IMMP2L: variants seen among roughly 807,000 people sequenced by gnomAD.
IMMP2L encodes mitochondrial inner membrane protease subunit 2.
A neutral mutation model predicts 19.3 loss-of-function variants in IMMP2L; 18 were observed. The observed-to-expected ratio is 0.93, with a 90% CI of 0.64 to 1.38. The LOEUF is 1.38. Among genes scored for constraint, IMMP2L ranks in the 40% most tolerant of loss-of-function variants. The probability of loss-of-function intolerance (pLI) is 0.00; values close to 1 mark genes in which losing one functional copy is unlikely to be tolerated. For synonymous variants in IMMP2L, 76 were observed against 73.0 expected, an observed-to-expected ratio of 1.04 and a Z score of -0.21; for missense variants, 233 against 218.2, an observed-to-expected ratio of 1.07 and a Z score of -0.43.
At chr7:111,242,080 T>G (rs192883575) in intron 3 of IMMP2L, among the ~76,000 whole-genome samples, 259 of 152,222 alleles carry the variant, frequency 1.7e-3, no homozygotes, top group African/African-American at 5.1e-3. Context: ...AGAAGTGATT[T>G]TTTTAATGAA....
rs1819220931 is a variant in IMMP2L at position 110,963,761 on chromosome 7, C to A, written c.240-196G>T. Among the ~76,000 whole-genome samples the A allele has an allele frequency of 2.0e-5, 3 of 151,788 alleles. No homozygotes were observed. The South Asian group carries it at 6.3e-4, about 32-fold the overall frequency. ...AAGTAATTCTCATTTTAAATAAACT[C>A]TGGGGGGGAAAAAAGCCATGTTAAA... On this transcript the variant is annotated intron_variant, in intron 3 of 5. Transcript: ENST00000405709.
intron 3 of IMMP2L, chr7:111,096,901 C>T (rs1797458720): frequency 6.6e-6 from 1 of 151,910 alleles, no homozygotes. Flanking sequence ...AGTAAACTTA[C>T]ATACATTATT....
At chr7:110,773,910 A>T (rs536710680) in intron 5 of IMMP2L, among the ~76,000 whole-genome samples, 1,168 of 70,138 alleles carry the variant, frequency 0.017, 18 homozygotes, top group African/African-American at 0.1. Flanking sequence ...TGGGTAAAAT[A>T]AAAAAAAAAA....
intron 5 of IMMP2L, among the ~76,000 whole-genome samples, chr7:110,717,008 T>C (rs1027634428): frequency 1.3e-5 from 2 of 152,170 alleles, no homozygotes; most frequent in African/African-American, 4.8e-5. Context: ...TGAAGAAATA[T>C]CTGAATGTTA....
intron 3 of IMMP2L, among the ~76,000 whole-genome samples, chr7:111,416,590 T>C (rs1834976178): frequency 6.6e-6 from 1 of 151,860 alleles, no homozygotes. Context: ...TAAAAAGTTT[T>C]AACCCCTGCT....
intron 5 of IMMP2L, among the ~76,000 whole-genome samples, chr7:110,723,224 T>C (rs1795685041): frequency 6.6e-6 from 1 of 152,186 alleles, no homozygotes; most frequent in Non-Finnish European, 1.5e-5. Context: ...TTTTGAAGTC[T>C]TCTCCAATAG....
At chr7:110,855,633 C>A (rs975366073) in intron 5 of IMMP2L, among the ~76,000 whole-genome samples, 4 of 152,008 alleles carry the variant, frequency 2.6e-5, no homozygotes, top group African/African-American at 9.7e-5. Context: ...ATCCCTTATA[C>A]CCTTAGCCAT....
intron 4 of IMMP2L, among the ~76,000 whole-genome samples, chr7:110,951,540 T>G (rs1322408907): frequency 1.4e-4 from 5 of 35,668 alleles, no homozygotes; most frequent in Admixed American, 1.2e-3. Flanking sequence ...GTATATATGG[T>G]GTGTGTGTGT....
chr7:111,191,860 T>G (rs1562907244), intron 3 of IMMP2L, among the ~76,000 whole-genome samples: 1 of 152,058 alleles, frequency 6.6e-6, no homozygotes, highest in Non-Finnish European at 1.5e-5. Flanking sequence ...GTCCATTTAT[T>G]CTACAAAAGA....
chr7:110,952,457 G>A lies in IMMP2L; in HGVS notation c.305+11043C>T, dbSNP rs527828000. ...ACACAAATGCACTAACCAGCTCCAA[G>A]TGTGATCTGCTTCCTGCTAGGAAAC... On this transcript the variant is annotated intron_variant, in intron 4 of 5. Transcript: ENST00000405709. Among the ~76,000 whole-genome samples, 4 of 152,136 alleles carry A rather than the reference G, an allele frequency of 2.6e-5. No homozygotes were observed. The South Asian group carries it at 8.3e-4, about 31-fold the overall frequency.
intron 5 of IMMP2L, among the ~76,000 whole-genome samples, chr7:110,826,907 G>A (rs1385680620): frequency 6.6e-6 from 1 of 151,708 alleles, no homozygotes; most frequent in East Asian, 1.9e-4. Flanking sequence ...TTCATCAAAG[G>A]CATTCTTAAG....
intron 3 of IMMP2L, among the ~76,000 whole-genome samples, chr7:111,126,583 C>T (rs1801334194): frequency 6.6e-6 from 1 of 151,924 alleles, no homozygotes; most frequent in Non-Finnish European, 1.5e-5. Flanking sequence ...TAAAAGATTA[C>T]AAATCATTGA....
chr7:110,935,941 A>G (rs1816057521), intron 4 of IMMP2L, among the ~76,000 whole-genome samples: 1 of 152,170 alleles, frequency 6.6e-6, no homozygotes, highest in African/African-American at 2.4e-5. Flanking sequence ...AAAAGCAAGC[A>G]ATGGGGAAAG....
chr7:110,873,609 CAAA>C (rs112177055), intron 5 of IMMP2L, among the ~76,000 whole-genome samples: 1 of 114,330 alleles, frequency 8.7e-6, no homozygotes, highest in African/African-American at 3.0e-5. Flanking sequence ...ACTAAAATTA[CAAA>C]AAAAAAAAAA....
At chr7:111,146,552 CA>C (rs1411050724) in intron 3 of IMMP2L, among the ~76,000 whole-genome samples, 1 of 151,916 alleles carries the variant, frequency 6.6e-6, no homozygotes, top group Non-Finnish European at 1.5e-5. Flanking sequence ...AGTGCATTTC[CA>C]GCAGCCTAGG....
At chr7:111,129,383 G>T (rs1480897562) in intron 3 of IMMP2L, among the ~76,000 whole-genome samples, 1 of 150,920 alleles carries the variant, frequency 6.6e-6, no homozygotes, top group Non-Finnish European at 1.5e-5. Context: ...AAATTTTTGT[G>T]AAGAATATAG....
intron 3 of IMMP2L, among the ~76,000 whole-genome samples, chr7:111,014,301 GC>G (rs1283963893): frequency 1.3e-5 from 2 of 152,024 alleles, no homozygotes; most frequent in African/African-American, 4.8e-5. Flanking sequence ...GTTGCAGTGA[GC>G]CGAGATTGCA....
At chr7:111,530,123 G>GATT (rs1486667805) in intron 1 of IMMP2L, among the ~76,000 whole-genome samples, 1 of 152,122 alleles carries the variant, frequency 6.6e-6, no homozygotes, top group Non-Finnish European at 1.5e-5. Context: ...TTCAAATCGT[G>GATT]ATTCAACAGT....
chr7:111,453,764 A>C (rs1293749885), intron 3 of IMMP2L, among the ~76,000 whole-genome samples: 1 of 152,106 alleles, frequency 6.6e-6, no homozygotes, highest in African/African-American at 2.4e-5. Flanking sequence ...ACACGGCAAA[A>C]CTCAATCCTT....
Sources: allele counts gnomAD v4.1 joint callset (sites outside exome capture counted in the v4.1 genomes callset), GRCh38; gene constraint gnomAD v4.1.1; transcripts MANE v1.5; gene names NCBI Gene and HGNC (gene_info 2026-07-23, HGNC 2026-07-21).